CLVS1: variants seen among roughly 807,000 people sequenced by gnomAD.
The protein encoded by CLVS1 is clavesin-1.
A neutral mutation model predicts 33.1 loss-of-function variants in CLVS1; 10 were observed. That is an observed-to-expected ratio of 0.30 (90% CI 0.19 to 0.51). The LOEUF (loss-of-function observed/expected upper bound fraction) is 0.51. CLVS1 is among the 20% of genes least tolerant of loss of function. CLVS1 has a pLI of 0.97. For missense variants in CLVS1, 343 were observed against 433.4 expected (o/e 0.79, Z 1.85); for synonymous variants, 163 against 166.1 (o/e 0.98, Z 0.14).
chr8:61,455,854 G>T (rs1049522870), intron 4 of CLVS1, among the ~76,000 whole-genome samples: 14 of 152,316 alleles, frequency 9.2e-5, no homozygotes, highest in African/African-American at 3.1e-4. Flanking sequence ...CTAACTCCTA[G>T]ATCTCAGATG....
intron 1 of CLVS1, among the ~76,000 whole-genome samples, chr8:61,291,477 T>C (rs1809989039): frequency 6.6e-6 from 1 of 152,210 alleles, no homozygotes; most frequent in African/African-American, 2.4e-5. Flanking sequence ...GTCATTTACA[T>C]AGCTTATTCA....
chr8:61,382,895 G>A (rs1456734831), intron 3 of CLVS1, among the ~76,000 whole-genome samples: 1 of 152,172 alleles, frequency 6.6e-6, no homozygotes, highest in East Asian at 1.9e-4. Flanking sequence ...TTCCTCATTT[G>A]TGAAATGTGG....
intron 2 of CLVS1, among the ~76,000 whole-genome samples, chr8:61,329,006 A>G (rs1811489391): frequency 6.6e-6 from 1 of 152,216 alleles, no homozygotes; most frequent in South Asian, 2.1e-4. Flanking sequence ...GCATTCTTGT[A>G]CTTTTATCTT....
At chr8:61,118,351 G>GT (rs1338459998) in intron 1 of CLVS1, among the ~76,000 whole-genome samples, 1 of 151,582 alleles carries the variant, frequency 6.6e-6, no homozygotes, top group Admixed American at 6.6e-5. Context: ...TTTTTGAAGG[G>GT]TTTTTTGTGT....
intron 1 of CLVS1, among the ~76,000 whole-genome samples, chr8:61,092,070 T>C (rs551269637): frequency 2.1e-4 from 32 of 152,380 alleles, no homozygotes; most frequent in South Asian, 8.3e-4. Context: ...TTACACTTAA[T>C]GTATGGATGT....
At chr8:61,085,870 A>T (rs967087108) in intron 1 of CLVS1, among the ~76,000 whole-genome samples, 3 of 151,674 alleles carry the variant, frequency 2.0e-5, no homozygotes, top group African/African-American at 7.3e-5. Flanking sequence ...AAAAATACAA[A>T]AAAATTAGCC....
intron 1 of CLVS1, among the ~76,000 whole-genome samples, chr8:61,288,591 C>T (rs1410489058): frequency 6.6e-6 from 1 of 152,224 alleles, no homozygotes; most frequent in African/African-American, 2.4e-5. Context: ...GGGAGAGACC[C>T]CAGGCACGGG....
intron 5 of CLVS1, among the ~76,000 whole-genome samples, chr8:61,482,762 A>G (rs1803701212): frequency 1.3e-5 from 2 of 152,218 alleles, no homozygotes; most frequent in African/African-American, 4.8e-5. Context: ...CAGTGCAATC[A>G]ACCTAGAACT....
chr8:61,178,280 G>A (rs1807156561), intron 2 of CLVS1, among the ~76,000 whole-genome samples: 2 of 151,986 alleles, frequency 1.3e-5, no homozygotes, highest in African/African-American at 4.8e-5. Flanking sequence ...AAATAAAGCA[G>A]GCAGACAAAA....
At chr8:61,406,008 A>T (rs1814971868) in intron 3 of CLVS1, among the ~76,000 whole-genome samples, 1 of 152,220 alleles carries the variant, frequency 6.6e-6, no homozygotes, top group Admixed American at 6.5e-5. Flanking sequence ...AAATACTTTA[A>T]GGTGCCTGAC....
chr8:61,252,303 C>A (rs948902164), intron 2 of CLVS1, among the ~76,000 whole-genome samples: 1 of 152,098 alleles, frequency 6.6e-6, no homozygotes, highest in African/African-American at 2.4e-5. Context: ...GATTTCCATT[C>A]TTTTGTATTT....
chr8:61,112,330 A>C (rs184267276), intron 1 of CLVS1, among the ~76,000 whole-genome samples: 1 of 152,306 alleles, frequency 6.6e-6, no homozygotes, highest in East Asian at 1.9e-4. Context: ...AATGTACGCT[A>C]CATTAAATTT....
At chr8:61,187,077 T>G (rs952554610) in intron 2 of CLVS1, among the ~76,000 whole-genome samples, 1 of 152,160 alleles carries the variant, frequency 6.6e-6, no homozygotes, top group Non-Finnish European at 1.5e-5. Context: ...AGTATAAAAC[T>G]GAGGGAAATT....
At chr8:61,482,426 C>T (rs754728203) in intron 5 of CLVS1, among the ~76,000 whole-genome samples, 30 of 152,182 alleles carry the variant, frequency 2.0e-4, no homozygotes, top group Non-Finnish European at 4.0e-4. Context: ...GGAGGATGTT[C>T]GAACCCATTG....
chr8:61,400,192 A>G (rs1473159364), intron 3 of CLVS1, among the ~76,000 whole-genome samples: 1 of 152,118 alleles, frequency 6.6e-6, no homozygotes, highest in Non-Finnish European at 1.5e-5. Context: ...CATCTGTTTG[A>G]GTAAACTCAG....
At chr8:61,263,830 TG>T (rs1196806363) in intron 2 of CLVS1, among the ~76,000 whole-genome samples, 1 of 152,158 alleles carries the variant, frequency 6.6e-6, no homozygotes, top group Non-Finnish European at 1.5e-5. Context: ...GCTTATGCCA[TG>T]GGATGGTTAT....
At chr8:61,397,018 G>C (rs1170013842) in intron 3 of CLVS1, among the ~76,000 whole-genome samples, 2 of 152,044 alleles carry the variant, frequency 1.3e-5, no homozygotes, top group Admixed American at 1.3e-4. Flanking sequence ...TTTTTGTATA[G>C]ACATTTGTTT....
At chr8:61,205,212 A>T (rs1016466548) in intron 2 of CLVS1, among the ~76,000 whole-genome samples, 2 of 152,148 alleles carry the variant, frequency 1.3e-5, no homozygotes, top group African/African-American at 4.8e-5. Context: ...GTCCGTTCCC[A>T]TTTTTGTGCA....
intron 1 of CLVS1, among the ~76,000 whole-genome samples, chr8:61,125,358 G>GT (rs1382172353): frequency 1.3e-5 from 2 of 152,204 alleles, no homozygotes; most frequent in African/African-American, 4.8e-5. Context: ...AGGACAGGTT[G>GT]TGGGGGGCTA....
Sources: allele counts gnomAD v4.1 joint callset (sites outside exome capture counted in the v4.1 genomes callset), GRCh38; gene constraint gnomAD v4.1.1; transcripts MANE v1.5; gene names NCBI Gene and HGNC (gene_info 2026-07-23, HGNC 2026-07-21).